NXPE2: variants seen among roughly 807,000 people sequenced by gnomAD.
The protein encoded by NXPE2 is NXPE family member 2.
A neutral mutation model predicts 34.4 loss-of-function variants in NXPE2; 34 were observed. The ratio of observed to expected loss-of-function variants is 0.99; its 90% CI spans 0.75 to 1.31. The LOEUF (loss-of-function observed/expected upper bound fraction) is 1.31, where lower values mean the gene tolerates loss of function less well. NXPE2 is among the 40% of genes most tolerant of loss of function. The probability of loss-of-function intolerance (pLI) is 0.00; values close to 1 mark genes in which losing one functional copy is unlikely to be tolerated. For missense variants in NXPE2, 649 were observed against 672.5 expected (o/e 0.97, Z 0.39); for synonymous variants, 235 against 231.3 (o/e 1.02, Z -0.15).
the NXPE2 span, among the ~76,000 whole-genome samples, chr11:114,615,785 T>C: frequency 6.6e-6 from 1 of 151,652 alleles, no homozygotes; most frequent in African/African-American, 2.4e-5. Flanking sequence ...GTAACCACTG[T>C]TACCCAATGG....
the NXPE2 span, among the ~76,000 whole-genome samples, chr11:114,739,278 A>C: frequency 2.1e-5 from 3 of 141,674 alleles, no homozygotes; most frequent in East Asian, 2.2e-4. Flanking sequence ...TATTGCCATT[A>C]TTTTCCTTCC....
the NXPE2 span, among the ~76,000 whole-genome samples, chr11:114,784,467 C>T: frequency 6.6e-6 from 1 of 152,204 alleles, no homozygotes; most frequent in Admixed American, 6.5e-5. Flanking sequence ...CATCAGAAAG[C>T]TGCTGCCCAA....
chr11:114,524,148 G>T, the NXPE2 span, among the ~76,000 whole-genome samples: 230 of 152,304 alleles, frequency 1.5e-3, 2 homozygotes, highest in African/African-American at 4.4e-3. Flanking sequence ...GGAAGAAATG[G>T]ATAGGGAGGG....
upstream of NXPE2, among the ~76,000 whole-genome samples, chr11:114,676,746 C>T (rs1269605720): frequency 2.0e-5 from 3 of 151,982 alleles, no homozygotes; most frequent in African/African-American, 4.8e-5. Context: ...CCAGCAATCC[C>T]GCTAATGGGT....
At chr11:114,733,325 C>A in the NXPE2 span, among the ~76,000 whole-genome samples, 2 of 152,316 alleles carry the variant, frequency 1.3e-5, no homozygotes, top group Admixed American at 1.3e-4. Context: ...GATCTCCTGA[C>A]CTCGTGATCT....
chr11:114,634,087 A>G, the NXPE2 span, among the ~76,000 whole-genome samples: 1 of 151,524 alleles, frequency 6.6e-6, no homozygotes, highest in Non-Finnish European at 1.5e-5. Context: ...CAACAGTGTA[A>G]AAGTGTTCCT....
chr11:114,616,720 A>T, the NXPE2 span, among the ~76,000 whole-genome samples: 1 of 151,782 alleles, frequency 6.6e-6, no homozygotes, highest in Non-Finnish European at 1.5e-5. Flanking sequence ...CCAGTGTATA[A>T]TAAGTGTTGC....
chr11:114,692,138 G>A (rs1032946460), intron 2 of NXPE2, among the ~76,000 whole-genome samples: 7 of 152,218 alleles, frequency 4.6e-5, no homozygotes, highest in African/African-American at 1.7e-4. Context: ...ACTCTGGCCT[G>A]AGCCTAAAAT....
At chr11:114,502,775 C>T in the NXPE2 span, among the ~76,000 whole-genome samples, 2 of 152,110 alleles carry the variant, frequency 1.3e-5, no homozygotes, top group Non-Finnish European at 1.5e-5. Flanking sequence ...AGATTGTGAT[C>T]TTATGATTGG....
intron 4 of NXPE2, among the ~76,000 whole-genome samples, chr11:114,704,843 A>G (rs555774277): frequency 3.3e-5 from 5 of 152,200 alleles, no homozygotes; most frequent in Non-Finnish European, 7.4e-5. Context: ...TACACTGAAG[A>G]AAGTTCTTAG....
the NXPE2 span, among the ~76,000 whole-genome samples, chr11:114,802,677 C>G: frequency 6.6e-6 from 1 of 152,022 alleles, no homozygotes; most frequent in African/African-American, 2.4e-5. Flanking sequence ...TGATACGCAG[C>G]CTTTTGAAAT....
the NXPE2 span, among the ~76,000 whole-genome samples, chr11:114,793,378 T>G: frequency 6.6e-6 from 1 of 152,132 alleles, no homozygotes; most frequent in Non-Finnish European, 1.5e-5. Flanking sequence ...ACAAAAGACA[T>G]AGAAGACAAG....
At chr11:114,547,283 T>C in the NXPE2 span, among the ~76,000 whole-genome samples, 1 of 152,224 alleles carries the variant, frequency 6.6e-6, no homozygotes, top group African/African-American at 2.4e-5. Flanking sequence ...CACTTAGCTC[T>C]GTGATCTTCC....
chr11:114,684,864 T>C (rs1014008680), intron 2 of NXPE2, among the ~76,000 whole-genome samples: 1 of 152,188 alleles, frequency 6.6e-6, no homozygotes, highest in African/African-American at 2.4e-5. Flanking sequence ...TGATTACTCT[T>C]ACAGTTCTCT....
chr11:114,611,299 A>G, the NXPE2 span, among the ~76,000 whole-genome samples: 35 of 148,420 alleles, frequency 2.4e-4, no homozygotes, highest in African/African-American at 8.2e-4. Context: ...GTGTTGCCTC[A>G]TGGGTAATCA....
the NXPE2 span, among the ~76,000 whole-genome samples, chr11:114,808,710 C>A: frequency 6.6e-6 from 1 of 151,924 alleles, no homozygotes; most frequent in African/African-American, 2.4e-5. Flanking sequence ...CAATAGCTTA[C>A]CACCAAAAAA....
At chr11:114,583,819 T>C in the NXPE2 span, 8 of 426,452 alleles carry the variant, frequency 1.9e-5, no homozygotes, top group South Asian at 1.5e-4. Flanking sequence ...CCTTCTATAT[T>C]ACAGGCTAGG....
At chr11:114,490,933 CG>C in the NXPE2 span, among the ~76,000 whole-genome samples, 1 of 151,656 alleles carries the variant, frequency 6.6e-6, no homozygotes, top group South Asian at 2.1e-4. Context: ...GAGGCCGAGG[CG>C]GGTGGATCAT....
the NXPE2 span, among the ~76,000 whole-genome samples, chr11:114,532,226 A>T: frequency 1.3e-5 from 2 of 152,250 alleles, no homozygotes; most frequent in Admixed American, 6.5e-5. Context: ...GATATCATTT[A>T]AAAAAGATGA....
Sources: gnomAD v4.1 joint callset for allele counts (sites outside exome capture counted in the v4.1 genomes callset) on GRCh38, gnomAD v4.1.1 for gene constraint, MANE v1.5 for transcripts, NCBI Gene and HGNC (gene_info 2026-07-23, HGNC 2026-07-21) for gene names.